RBFOX1: variants seen among roughly 807,000 people sequenced by gnomAD.
The protein encoded by RBFOX1 is RNA binding fox-1 homolog 1, also known as RNA binding protein fox-1 homolog 1.
RBFOX1 carries 8 observed loss-of-function variants against 57.7 expected under a neutral mutation model. That is an observed-to-expected ratio of 0.14 (90% confidence interval 0.08 to 0.25). RBFOX1 has a LOEUF of 0.25. RBFOX1 is among the 10% of genes least tolerant of loss of function. The pLI is 1.00. For missense variants in RBFOX1, 611 were observed against 548.5 expected (o/e 1.11, Z -1.14); for synonymous variants, 326 against 222.4 (o/e 1.47, Z -4.15).
At chr16:5,299,679 G>C (rs1311039128) in intron 1 of RBFOX1, among the ~76,000 whole-genome samples, 1 of 152,132 alleles carries the variant, frequency 6.6e-6, no homozygotes, top group Non-Finnish European at 1.5e-5. Flanking sequence ...ACTCAATTTG[G>C]TGAGCTTTTT....
chr16:6,377,213 G>T (rs542361058), intron 2 of RBFOX1, among the ~76,000 whole-genome samples: 1 of 149,538 alleles, frequency 6.7e-6, no homozygotes, highest in East Asian at 1.9e-4. Context: ...AGTGGAGGTT[G>T]CAGTGAGCCA....
chr16:6,223,488 A>G (rs1296281201), intron 1 of RBFOX1, among the ~76,000 whole-genome samples: 1 of 152,128 alleles, frequency 6.6e-6, no homozygotes, highest in Admixed American at 6.6e-5. Flanking sequence ...TTTTGGCTGC[A>G]TAAATGTCTT....
At chr16:7,498,675 G>T (rs558538704) in intron 4 of RBFOX1, among the ~76,000 whole-genome samples, 1 of 152,228 alleles carries the variant, frequency 6.6e-6, no homozygotes, top group South Asian at 2.1e-4. Flanking sequence ...GCGTGCAGTT[G>T]CCATGTACAG....
chr16:6,300,700 T>C (rs2078712890), intron 1 of RBFOX1, among the ~76,000 whole-genome samples: 1 of 152,216 alleles, frequency 6.6e-6, no homozygotes, highest in Non-Finnish European at 1.5e-5. Context: ...TTCGTGCATC[T>C]AGCTTGTAGC....
chr16:6,580,757 C>T (rs2153972706), intron 2 of RBFOX1, among the ~76,000 whole-genome samples: 1 of 152,196 alleles, frequency 6.6e-6, no homozygotes, highest in East Asian at 1.9e-4. Flanking sequence ...TTCCCTGGCC[C>T]CACAAAGCTA....
At chr16:5,699,653 G>T (rs1207148968) in intron 3 of RBFOX1, among the ~76,000 whole-genome samples, 1 of 151,932 alleles carries the variant, frequency 6.6e-6, no homozygotes, top group African/African-American at 2.4e-5. Context: ...TCTGGGTTGG[G>T]GTGTGCTACT....
intron 3 of RBFOX1, among the ~76,000 whole-genome samples, chr16:6,744,593 C>T (rs544303973): frequency 6.6e-6 from 1 of 152,004 alleles, no homozygotes; most frequent in Admixed American, 6.6e-5. Context: ...AATAAATAAC[C>T]TGTGGATCGA....
chr16:5,912,255 A>G (rs1273392201), intron 4 of RBFOX1, among the ~76,000 whole-genome samples: 1 of 152,156 alleles, frequency 6.6e-6, no homozygotes. Flanking sequence ...ATAGTGATCA[A>G]ATGAGGCAAG....
At chr16:6,694,069 T>C (rs964642085) in intron 3 of RBFOX1, among the ~76,000 whole-genome samples, 1 of 152,276 alleles carries the variant, frequency 6.6e-6, no homozygotes, top group Admixed American at 6.5e-5. Context: ...GATGCTGAAA[T>C]GTTTGAAACA....
At chr16:6,567,858 G>C (rs963988324) in intron 2 of RBFOX1, among the ~76,000 whole-genome samples, 4 of 152,206 alleles carry the variant, frequency 2.6e-5, no homozygotes, top group Non-Finnish European at 5.9e-5. Flanking sequence ...GTCTCACTCT[G>C]TCACCCAGGC....
At chr16:6,574,703 C>T (rs979468773) in intron 2 of RBFOX1, among the ~76,000 whole-genome samples, 3 of 164 alleles carry the variant, frequency 0.018, no homozygotes, top group African/African-American at 0.071. Context: ...GCTGGGATTA[C>T]AGGCGTGACT....
intron 2 of RBFOX1, among the ~76,000 whole-genome samples, chr16:6,651,332 A>C (rs1303700751): frequency 2.0e-5 from 3 of 152,142 alleles, no homozygotes; most frequent in African/African-American, 7.2e-5. Flanking sequence ...CCCAAGCTGT[A>C]TCCTTTCTTT....
At chr16:6,262,322 C>T (rs895322690) in intron 1 of RBFOX1, among the ~76,000 whole-genome samples, 1 of 152,062 alleles carries the variant, frequency 6.6e-6, no homozygotes, top group Non-Finnish European at 1.5e-5. Context: ...ATTTCATTAT[C>T]CCGAAATTAG....
At chr16:7,646,385 A>G (rs974537054) in intron 11 of RBFOX1, among the ~76,000 whole-genome samples, 2 of 152,248 alleles carry the variant, frequency 1.3e-5, no homozygotes, top group African/African-American at 4.8e-5. Flanking sequence ...CCCGCTGTTG[A>G]AAGCACATCT....
rs1050536540 is a variant in RBFOX1 at position 6,612,866 on chromosome 16, T to A, written c.-63-41737T>A. 2.1e-4 allele frequency among the ~76,000 whole-genome samples: 24 copies of A among 114,942 alleles called. No individual in the cohort carries two copies. In the East Asian group the frequency reaches 2.9e-3, roughly 14 times the overall value. The allele number at this position is 114,942 out of a possible 152,430, so 75.4% of individuals were successfully genotyped here. On this transcript the variant is annotated intron_variant, in intron 2 of 15. Coordinates refer to ENST00000550418, the MANE Select transcript of RBFOX1 (RefSeq NM_018723.4). ...CTCTCTCTCAAAAAAAAAAAAAAAA[T>A]AATAATAATAATATTTGTTTGTTCC...
chr16:6,892,801 TC>T (rs2065826413), intron 3 of RBFOX1, among the ~76,000 whole-genome samples: 2 of 139,516 alleles, frequency 1.4e-5, no homozygotes, highest in African/African-American at 5.7e-5. Flanking sequence ...TCTCTCTCTC[TC>T]TCTCTCTCTC....
At position 5,746,026 on chromosome 16, in the gene RBFOX1, TG is replaced by T. The variant is rs556339209; in HGVS notation, c.319-121276del. On this transcript the variant is annotated intron_variant, in intron 3 of 19. Transcript: ENST00000641259. ...GAAGTCCTTGCCCATGCCTGTGTCC[TG>T]AATGGTAATGCCTAGGTTTTCTTGT... Among the ~76,000 whole-genome samples the T allele has an allele frequency of 9.8e-5, 15 of 152,360 alleles. 1 individual carries two copies. The East Asian group carries it at 2.9e-3, about 29-fold the overall frequency.
At chr16:6,515,725 C>G (rs1461284862) in intron 2 of RBFOX1, among the ~76,000 whole-genome samples, 4 of 152,164 alleles carry the variant, frequency 2.6e-5, no homozygotes, top group Non-Finnish European at 5.9e-5. Flanking sequence ...CAGGCTACCC[C>G]ATACCTCCAC....
intron 1 of RBFOX1, among the ~76,000 whole-genome samples, chr16:5,399,317 T>A (rs769641522): frequency 2.0e-5 from 3 of 152,206 alleles, no homozygotes; most frequent in African/African-American, 7.2e-5. Context: ...GATTTATCTG[T>A]TTTTGAGCCA....
Sources: gnomAD v4.1 joint callset for allele counts (sites outside exome capture counted in the v4.1 genomes callset) on GRCh38, gnomAD v4.1.1 for gene constraint, MANE v1.5 for transcripts, NCBI Gene and HGNC (gene_info 2026-07-23, HGNC 2026-07-21) for gene names.